The following TAF12 variants were observed in gnomAD, a reference collection of about 807,000 sequenced individuals.
TAF12 encodes transcription initiation factor TFIID subunit 12.
TAF12 carries 3 observed loss-of-function variants against 20.8 expected under a neutral mutation model. The ratio of observed to expected loss-of-function variants is 0.14; its 90% CI spans 0.07 to 0.37. The LOEUF is 0.37. Among genes scored for constraint, TAF12 ranks in the 10% least tolerant of loss-of-function variants. The pLI, the probability that TAF12 is intolerant of heterozygous loss-of-function variation, is 1.00. For missense variants in TAF12, 131 were observed against 197.9 expected (o/e 0.66, Z 2.03); for synonymous variants, 69 against 70.2 (o/e 0.98, Z 0.09).
intron 1 of TAF12, among the ~76,000 whole-genome samples, chr1:28,630,938 C>T (rs748655059): frequency 2.3e-4 from 34 of 148,578 alleles, no homozygotes; most frequent in Non-Finnish European, 3.3e-4. Flanking sequence ...CCCAGCTACT[C>T]GGGAGGCTGA....
chr1:28,629,233 C>T (rs1322677433), intron 1 of TAF12, among the ~76,000 whole-genome samples: 3 of 152,016 alleles, frequency 2.0e-5, no homozygotes, highest in African/African-American at 4.8e-5. Context: ...CACTGTACAC[C>T]CTAAATCCTG....
chr1:28,612,521 ATATATATAAAT>A (rs1374373071), intron 4 of TAF12, among the ~76,000 whole-genome samples: 1 of 138,942 alleles, frequency 7.2e-6, no homozygotes, highest in Non-Finnish European at 1.5e-5. Context: ...TTATATATAA[ATATATATAAAT>A]TATATATAAA....
At chr1:28,638,611 A>C (rs569589525) in intron 1 of TAF12, among the ~76,000 whole-genome samples, 95 of 147,610 alleles carry the variant, frequency 6.4e-4, no homozygotes, top group Middle Eastern at 3.7e-3. Flanking sequence ...TTAGCCTCCC[A>C]GGTAGCCGGG....
At chr1:28,642,423 C>T (rs1668067278) in intron 1 of TAF12, among the ~76,000 whole-genome samples, 1 of 152,124 alleles carries the variant, frequency 6.6e-6, no homozygotes, top group Non-Finnish European at 1.5e-5. Context: ...ACTCACAGCC[C>T]TGTTCCGAGA....
intron 3 of TAF12, among the ~76,000 whole-genome samples, chr1:28,614,230 CTG>C (rs1666958947): frequency 6.6e-6 from 1 of 151,144 alleles, no homozygotes; most frequent in South Asian, 2.1e-4. Flanking sequence ...GAGCGAGACT[CTG>C]TCTCAAAACA....
chr1:28,618,111 G>A (rs1667099487), intron 2 of TAF12, 81 bp from the exon 3 acceptor site: 9 of 1,376,564 alleles, frequency 6.5e-6, no homozygotes, highest in Non-Finnish European at 7.1e-6. Context: ...AAGAAAGGCT[G>A]TCAAATTGTT....
At position 28,641,689 on chromosome 1, in the gene TAF12, G is replaced by A. The variant is rs541690048; in HGVS notation, c.-85+1303C>T. Among the ~76,000 whole-genome samples, 17 of 151,666 alleles carry A rather than the reference G, an allele frequency of 1.1e-4. No individual in the cohort carries two copies. In the East Asian group the frequency reaches 3.1e-3, roughly 28 times the overall value. The stretch of plus-strand genomic sequence containing the variant: ...CACGCCCGTAGTTCCAGCTACTCAG[G>A]AGGTATAGGTGGGAAGACTGCTTGA... On this transcript the variant is annotated intron_variant, in intron 1 of 5. Transcript: ENST00000373824.
intron 4 of TAF12, 110 bp downstream of exon 4, chr1:28,613,137 C>A: frequency 5.4e-6 from 4 of 740,184 alleles, no homozygotes; most frequent in Middle Eastern, 2.5e-4. Flanking sequence ...ACATAAATCC[C>A]AGTGCCCAAA....
At position 28,622,119 on chromosome 1, in the gene TAF12, T is replaced by A; in HGVS notation, c.-38A>T. The A allele has an allele frequency of 6.4e-7, 1 of 1,572,776 alleles. No individual in the cohort carries two copies. Among genetic ancestry groups the A allele is most frequent in the South Asian group, 1.2e-5 (1 of 84,924 alleles). ...TTTGGACTTCAGCTCATAGAGCTTA[T>A]CGAGATCCTGTTTCTTTTTGGAGCT... On this transcript the variant is annotated 5_prime_UTR_variant, in exon 2 of 6. Coordinates refer to ENST00000373824, the MANE Select transcript of TAF12 (RefSeq NM_005644.4).
At chr1:28,607,261 G>A (rs1666696860) in intron 4 of TAF12, among the ~76,000 whole-genome samples, 1 of 152,160 alleles carries the variant, frequency 6.6e-6, no homozygotes, top group African/African-American at 2.4e-5. Context: ...GCCAGATGTG[G>A]TGGCTCATTC....
upstream of TAF12, among the ~76,000 whole-genome samples, chr1:28,645,301 C>G (rs1668156887): frequency 6.6e-6 from 1 of 150,574 alleles, no homozygotes; most frequent in Non-Finnish European, 1.5e-5. Context: ...TCCCAAAATG[C>G]TGGGATTACA....
intron 3 of TAF12, among the ~76,000 whole-genome samples, 185 bp from the exon 4 acceptor site, chr1:28,613,546 G>C (rs1011558451): frequency 6.6e-6 from 1 of 152,168 alleles, no homozygotes; most frequent in African/African-American, 2.4e-5. Flanking sequence ...CCCAGGTTGA[G>C]TGCAACTCAC....
At chr1:28,608,408 A>G (rs1666742765) in intron 4 of TAF12, among the ~76,000 whole-genome samples, 1 of 151,922 alleles carries the variant, frequency 6.6e-6, no homozygotes, top group South Asian at 2.1e-4. Context: ...TTCTCTACGA[A>G]TTGAACTTTA....
chr1:28,617,060 C>T (rs376946804), intron 3 of TAF12, among the ~76,000 whole-genome samples: 19 of 152,136 alleles, frequency 1.2e-4, no homozygotes, highest in Admixed American at 1.1e-3. Flanking sequence ...GCGGAGGTTG[C>T]GGTGAGCCAA....
At chr1:28,641,496 A>C (rs938836193) in intron 1 of TAF12, among the ~76,000 whole-genome samples, 1 of 151,954 alleles carries the variant, frequency 6.6e-6, no homozygotes, top group Non-Finnish European at 1.5e-5. Context: ...AAAACAAAAC[A>C]AAAACAAAAA....
At chr1:28,632,471 G>A (rs774413806) in intron 1 of TAF12, among the ~76,000 whole-genome samples, 19 of 151,962 alleles carry the variant, frequency 1.3e-4, no homozygotes, top group African/African-American at 2.4e-4. Flanking sequence ...TGCAGAGATC[G>A]CACCATTGCA....
chr1:28,611,872 A>T (rs1200342507), intron 4 of TAF12, among the ~76,000 whole-genome samples: 2 of 152,140 alleles, frequency 1.3e-5, no homozygotes, highest in Non-Finnish European at 1.5e-5. Flanking sequence ...TGACTTAGTA[A>T]AACTAGCTGA....
intron 4 of TAF12, 37 bp from the exon 5 acceptor site, chr1:28,605,497 A>G (rs1395749217): frequency 6.2e-7 from 1 of 1,606,020 alleles, no homozygotes; most frequent in East Asian, 2.2e-5. Context: ...TAAACGTACC[A>G]AGAAGGCAGT....
At chr1:28,628,871 G>A (rs1047127936) in intron 1 of TAF12, among the ~76,000 whole-genome samples, 2 of 152,200 alleles carry the variant, frequency 1.3e-5, no homozygotes, top group African/African-American at 2.4e-5. Context: ...TTGGGAGTTC[G>A]AGACCAGCCT....
Sources: allele counts gnomAD v4.1 joint callset (sites outside exome capture counted in the v4.1 genomes callset), GRCh38; gene constraint gnomAD v4.1.1; transcripts MANE v1.5; gene names NCBI Gene and HGNC (gene_info 2026-07-23, HGNC 2026-07-21).